Variants in SAP30BP observed in about 807,000 individuals in gnomAD.
SAP30BP encodes SAP30-binding protein.
SAP30BP carries 31 observed loss-of-function variants against 46.3 expected under a neutral mutation model. The observed-to-expected ratio is 0.67, with a 90% CI of 0.50 to 0.90. The LOEUF (loss-of-function observed/expected upper bound fraction) is 0.90. Among genes scored for constraint, SAP30BP ranks in the 40% least tolerant of loss-of-function variants. The pLI is 0.00. For synonymous variants in SAP30BP, 169 were observed against 144.2 expected (o/e 1.17, Z -1.23); for missense variants, 312 against 391.0 (o/e 0.80, Z 1.70).
chr17:75,705,832 GC>G, intron 9 of SAP30BP, 175 bp from the exon 10 acceptor site: 1 of 1,084,014 alleles, frequency 9.2e-7, no homozygotes, highest in Non-Finnish European at 1.3e-6. Context: ...AGAGTGAAAA[GC>G]CCCTTTGGGT....
Position 75,706,757 on chromosome 17 carries a change from A to T in SAP30BP, c.*236A>T. ...CGCCTATTAAAAGTGCCGTATTCTT[A>T]CCTCTTGGCATCTCAGATGCACTGG... is the stretch of plus-strand genomic sequence containing the variant. On this transcript the variant is annotated 3_prime_UTR_variant, in exon 11 of 11. Transcript: ENST00000584667. This position sits in a 1 kb window ranked among gnomAD's most constrained non-coding sequence, Gnocchi z 4.6. 1 of 550,212 alleles carries T rather than the reference A, an allele frequency of 1.8e-6. No homozygotes were observed. The highest frequency in any genetic ancestry group is 3.2e-6 in the Non-Finnish European group (1 of 308,540). The allele number at this position is 550,212 out of a possible 1,614,324, so 34.1% of individuals were successfully genotyped here.
chr17:75,685,523 C>T (rs1234011823), intron 3 of SAP30BP, among the ~76,000 whole-genome samples: 1 of 152,166 alleles, frequency 6.6e-6, no homozygotes, highest in Non-Finnish European at 1.5e-5. Flanking sequence ...CCCTGACTTT[C>T]AGGGACTGCG....
At chr17:75,704,964 G>A (rs1052981448) in intron 9 of SAP30BP, 150 bp downstream of exon 9, 1 of 681,384 alleles carries the variant, frequency 1.5e-6, no homozygotes, top group Non-Finnish European at 2.7e-6. Flanking sequence ...GGGCCTGTGT[G>A]CTGAGCAGAC....
Position 75,706,055 on chromosome 17 carries a change from G to A in SAP30BP, c.708G>A (p.Thr236=), listed in dbSNP as rs56144802. Residue 236 remains threonine, a synonymous_variant, in exon 10 of 11, where the codon ACG becomes ACA. Transcript: ENST00000584667. This position sits in a 1 kb window ranked among gnomAD's most constrained non-coding sequence, Gnocchi z 4.6. ...GTKKGTTTNA[T]STTTTTASTA... Reference sequence around the variant, plus strand: ...AAAAAGGCACCACGACCAACGCCACGTCCACCACCACTACCACTGCCAGCA... The same window carrying A: ...AAAAAGGCACCACGACCAACGCCACATCCACCACCACTACCACTGCCAGCA... The A allele has an allele frequency of 0.041, 65,928 of 1,613,356 alleles. 1,596 individuals are homozygous for A. The highest frequency in any genetic ancestry group is 0.074 in the Middle Eastern group (447 of 6,062).
intron 4 of SAP30BP, among the ~76,000 whole-genome samples, chr17:75,696,001 C>T (rs778013600): frequency 6.6e-6 from 1 of 152,182 alleles, no homozygotes; most frequent in Non-Finnish European, 1.5e-5. Flanking sequence ...TCCCATAAGC[C>T]CGTCCAACTA....
Position 75,702,466 on chromosome 17 carries a change from G to C in SAP30BP, c.397-14G>C, listed in dbSNP as rs1275380401. On this transcript the variant is annotated splice_polypyrimidine_tract_variant and intron_variant, in intron 5 of 10. Coordinates refer to ENST00000584667, the MANE Select transcript of SAP30BP (RefSeq NM_013260.8). ...TGTCATACACCCCCCCACCCCCTCT[G>C]CTCCTCTTCACAGGACAAGATCCAG... 3 of 1,327,854 alleles carry C rather than the reference G, an allele frequency of 2.3e-6. No homozygotes were observed. In the East Asian group the frequency reaches 7.1e-5, roughly 31 times the overall value. 82.3% of individuals were successfully genotyped at this position (1,327,854 alleles called of 1,614,324 possible). A position where few individuals can be genotyped will look rare whatever the true frequency, so the allele number is the denominator to read the frequency against.
At chr17:75,685,219 C>G (rs1291765025) in intron 3 of SAP30BP, among the ~76,000 whole-genome samples, 1 of 152,126 alleles carries the variant, frequency 6.6e-6, no homozygotes. Flanking sequence ...GTGGCTGGGC[C>G]CCTCCTTCCC....
intron 3 of SAP30BP, among the ~76,000 whole-genome samples, chr17:75,674,647 A>T (rs147408926): frequency 0.01 from 1,459 of 139,386 alleles, 10 homozygotes; most frequent in African/African-American, 0.017. Flanking sequence ...CAAAACCCTT[A>T]ATTTTGGACA....
chr17:75,707,832 A>G lies in SAP30BP; in HGVS notation c.*1311A>G, dbSNP rs2060521305. The G allele has an allele frequency of 6.6e-6, 1 of 152,168 alleles. No homozygotes were observed. Among genetic ancestry groups the G allele is most frequent in the Non-Finnish European group, 1.5e-5 (1 of 68,054 alleles). The allele number at this position is 152,168 out of a possible 1,614,324, so 9.4% of individuals were successfully genotyped here. A position where few individuals can be genotyped will look rare whatever the true frequency, so the allele number is the denominator to read the frequency against. On this transcript the variant is annotated 3_prime_UTR_variant, in exon 11 of 11. Transcript: ENST00000584667. ...TGGCGGCCCCTCATTGGCCAAGGGC[A>G]CTGTGGATGTTTTGTGGGAGGCAGC... is the stretch of plus-strand genomic sequence containing the variant.
At chr17:75,687,158 C>T (rs901767078) in intron 3 of SAP30BP, among the ~76,000 whole-genome samples, 16 of 152,228 alleles carry the variant, frequency 1.1e-4, no homozygotes, top group Non-Finnish European at 1.8e-4. Flanking sequence ...AATACCTAAA[C>T]TTATTCCCCT....
intron 5 of SAP30BP, chr17:75,700,125 T>TC (rs879591910): frequency 6.9e-6 from 2 of 291,136 alleles, no homozygotes; most frequent in Admixed American, 9.9e-5. Flanking sequence ...TTCAGTGAAG[T>TC]CCTAAGCAGA....
At chr17:75,678,518 G>A (rs763938146) in intron 3 of SAP30BP, among the ~76,000 whole-genome samples, 3 of 151,532 alleles carry the variant, frequency 2.0e-5, no homozygotes, top group Non-Finnish European at 4.4e-5. Flanking sequence ...TCTGGCCATG[G>A]ATTCAGAACC....
rs1272982923 is a variant in SAP30BP, at chr17:75,699,888, G to C, written c.396+17G>C. 4 of 1,583,492 alleles carry C rather than the reference G, an allele frequency of 2.5e-6. No individual in the cohort carries two copies. The highest frequency in any genetic ancestry group is 2.6e-6 in the Non-Finnish European group (3 of 1,152,654). ...CACTTGCAAGTAAGCATGAGACTCG[G>C]CTACTGAGGTCGGATAGATTAGATA... On this transcript the variant is annotated intron_variant, in intron 5 of 10. Transcript: ENST00000584667.
At position 75,707,591 on chromosome 17, in the gene SAP30BP, C is replaced by T. The variant is rs924740125; in HGVS notation, c.*1070C>T. ...TTAGAAAGGTGGTTCTGAAATGGCA[C>T]CTGGTACTCTTGTGGGACCTGGGGA... On this transcript the variant is annotated 3_prime_UTR_variant, in exon 11 of 11. Coordinates refer to ENST00000584667, the MANE Select transcript of SAP30BP (RefSeq NM_013260.8). The T allele has an allele frequency of 6.6e-6, 1 of 152,644 alleles. No individual in the cohort carries two copies. Among genetic ancestry groups the T allele is most frequent in the Non-Finnish European group, 1.5e-5 (1 of 68,072 alleles). The allele number at this position is 152,644 out of a possible 1,614,324, so 9.5% of individuals were successfully genotyped here.
At chr17:75,699,123 T>C (rs1189979831) in intron 4 of SAP30BP, among the ~76,000 whole-genome samples, 3 of 152,224 alleles carry the variant, frequency 2.0e-5, no homozygotes, top group Non-Finnish European at 4.4e-5. Flanking sequence ...CAGTGAGATA[T>C]GATTGTACCA....
chr17:75,682,825 T>C (rs921122264), intron 3 of SAP30BP, among the ~76,000 whole-genome samples: 1 of 151,190 alleles, frequency 6.6e-6, no homozygotes, highest in Non-Finnish European at 1.5e-5. Context: ...TAGCCAGACA[T>C]GGTGGCACGT....
rs1392885857 is a variant in SAP30BP, at chr17:75,706,069, C to T, written c.722C>T (p.Thr241Ile). 1 of 1,613,238 alleles carries T rather than the reference C, an allele frequency of 6.2e-7. No individual in the cohort carries two copies. Among genetic ancestry groups the T allele is most frequent in the African/African-American group, 1.3e-5 (1 of 74,928 alleles). ...ACCAACGCCACGTCCACCACCACTA[C>T]CACTGCCAGCACAGCTGTTGCAGGT... is the stretch of plus-strand genomic sequence containing the variant. ...TTTNATSTTT[T>I]TASTAVADAQ... Residue 241 changes from threonine to isoleucine, a missense_variant, in exon 10 of 11, where the codon ACC (threonine) becomes ATC (isoleucine). Thr to Ile is a moderately conservative substitution (Grantham distance 89, BLOSUM62 -1). This residue lies in a region of SAP30BP where 296 missense variants were observed against 346.6 expected (regional missense o/e 0.85). Coordinates refer to ENST00000584667, the MANE Select transcript of SAP30BP (RefSeq NM_013260.8). This position sits in a 1 kb window ranked among gnomAD's most constrained non-coding sequence, Gnocchi z 4.6.
intron 8 of SAP30BP, among the ~76,000 whole-genome samples, chr17:75,704,523 C>G (rs538471645): frequency 6.6e-6 from 1 of 152,360 alleles, no homozygotes; most frequent in East Asian, 1.9e-4. Context: ...TCCACAGGAG[C>G]TCAGGAGTAG....
intron 4 of SAP30BP, among the ~76,000 whole-genome samples, chr17:75,698,189 C>G (rs2060351392): frequency 6.6e-6 from 1 of 152,228 alleles, no homozygotes; most frequent in Non-Finnish European, 1.5e-5. Flanking sequence ...GAGAGCAAGG[C>G]CTGCCGGACA....
Sources: gnomAD v4.1 joint callset for allele counts (sites outside exome capture counted in the v4.1 genomes callset) on GRCh38, gnomAD v4.1.1 for gene constraint, gnomAD v4.1.1 regional missense constraint, Gnocchi (gnomAD v3.1) non-coding constraint, MANE v1.5 for transcripts, NCBI Gene and HGNC (gene_info 2026-07-23, HGNC 2026-07-21) for gene names.